Variants in TMEM232 observed in about 807,000 individuals in gnomAD.
TMEM232 encodes the protein transmembrane protein 232.
In TMEM232, 80 loss-of-function variants were observed where a neutral mutation model predicts 78.8. The ratio of observed to expected loss-of-function variants is 1.01; its 90% CI spans 0.85 to 1.22. TMEM232 has a LOEUF of 1.22. Ranked by LOEUF, TMEM232 falls within the 50% of genes most tolerant of loss-of-function variation. The probability of loss-of-function intolerance (pLI) is 0.00; values close to 1 mark genes in which losing one functional copy is unlikely to be tolerated. For synonymous variants in TMEM232, 297 were observed against 254.3 expected (o/e 1.17, Z -1.60); for missense variants, 881 against 742.2 (o/e 1.19, Z -2.17).
intron 2 of TMEM232, among the ~76,000 whole-genome samples, chr5:110,665,051 A>C (rs891759175): frequency 6.6e-6 from 1 of 152,192 alleles, no homozygotes; most frequent in South Asian, 2.1e-4. Flanking sequence ...GGACTTCAAC[A>C]TATGAATTTT....
chr5:110,506,374 T>C (rs1387139461), intron 12 of TMEM232, among the ~76,000 whole-genome samples: 1 of 152,164 alleles, frequency 6.6e-6, no homozygotes, highest in Non-Finnish European at 1.5e-5. Flanking sequence ...TAATATATTT[T>C]ATGGTTAATT....
intron 1 of TMEM232, among the ~76,000 whole-genome samples, chr5:110,669,168 CA>C (rs533367451): frequency 0.012 from 1,782 of 151,858 alleles, 46 homozygotes; most frequent in African/African-American, 0.04. Flanking sequence ...AAAAACACTT[CA>C]AAAAAATCAA....
chr5:110,512,051 A>C (rs1449189907), intron 12 of TMEM232, among the ~76,000 whole-genome samples: 3 of 152,100 alleles, frequency 2.0e-5, no homozygotes, highest in African/African-American at 7.2e-5. Flanking sequence ...CTCAGGACAC[A>C]TCACTATTCA....
rs1204255326 is a variant in TMEM232 at position 110,525,685 on chromosome 5, T to A, written c.1703+2903A>T. Among the ~76,000 whole-genome samples, 3 of 151,734 alleles carry A rather than the reference T, an allele frequency of 2.0e-5. No homozygotes were observed. In the East Asian group the frequency reaches 5.8e-4, roughly 29 times the overall value. The stretch of plus-strand genomic sequence containing the variant: ...GATTGTTAGAAGTAGACAAGCTAAT[T>A]CTAAATTTGATATAAAAATGAATAA... On this transcript the variant is annotated intron_variant, in intron 12 of 13. Transcript: ENST00000455884.
intron 11 of TMEM232, among the ~76,000 whole-genome samples, chr5:110,553,207 C>G (rs1774672394): frequency 6.6e-6 from 1 of 151,992 alleles, no homozygotes; most frequent in Non-Finnish European, 1.5e-5. Flanking sequence ...ATTGCTTTGG[C>G]TATTCTGGCT....
chr5:110,470,683 C>T (rs1000232675), intron 12 of TMEM232, among the ~76,000 whole-genome samples: 10 of 152,110 alleles, frequency 6.6e-5, no homozygotes, highest in Non-Finnish European at 1.5e-4. Context: ...AACTTAGAAC[C>T]AGAGTCAGCA....
intron 10 of TMEM232, among the ~76,000 whole-genome samples, chr5:110,584,811 G>A (rs936036319): frequency 3.9e-5 from 6 of 152,058 alleles, no homozygotes; most frequent in South Asian, 2.1e-4. Flanking sequence ...AGCACTTAGC[G>A]AGTTATTTTC....
intron 12 of TMEM232, among the ~76,000 whole-genome samples, chr5:110,485,937 G>C (rs373271763): frequency 3.3e-5 from 5 of 152,002 alleles, no homozygotes; most frequent in Admixed American, 2.6e-4. Flanking sequence ...CCACCTAGCC[G>C]TGTAGAAGTG....
At chr5:110,677,173 G>A (rs1483945337) in intron 1 of TMEM232, among the ~76,000 whole-genome samples, 1 of 151,818 alleles carries the variant, frequency 6.6e-6, no homozygotes, top group African/African-American at 2.4e-5. Flanking sequence ...TATATCTATT[G>A]GCCATTTGTG....
At chr5:110,569,204 C>T (rs962083485) in intron 10 of TMEM232, among the ~76,000 whole-genome samples, 5 of 151,826 alleles carry the variant, frequency 3.3e-5, no homozygotes, top group African/African-American at 1.2e-4. Flanking sequence ...GATTTAAAAA[C>T]TCTAAGACAC....
chr5:110,439,658 G>C (rs778466003), intron 12 of TMEM232, among the ~76,000 whole-genome samples: 2 of 152,016 alleles, frequency 1.3e-5, no homozygotes, highest in Non-Finnish European at 2.9e-5. Flanking sequence ...GAAAGTTTCA[G>C]GTGTCGCTTT....
chr5:110,568,426 T>C (rs1398457094), intron 11 of TMEM232, 21 bp downstream of exon 11: 2 of 1,509,902 alleles, frequency 1.3e-6, no homozygotes, highest in African/African-American at 1.4e-5. Flanking sequence ...TACATATTTA[T>C]TGCCCAGTGT....
chr5:110,571,013 T>C (rs879796012), intron 10 of TMEM232, among the ~76,000 whole-genome samples: 3 of 152,018 alleles, frequency 2.0e-5, no homozygotes, highest in Non-Finnish European at 4.4e-5. Context: ...AACTTTTCAC[T>C]TAACCAGAAA....
intron 10 of TMEM232, among the ~76,000 whole-genome samples, chr5:110,569,300 G>A (rs1776672526): frequency 6.6e-6 from 1 of 151,792 alleles, no homozygotes; most frequent in Non-Finnish European, 1.5e-5. Context: ...CTTAGAGAAA[G>A]GAGAAAGACA....
At chr5:110,442,748 T>C (rs1028771524) in intron 12 of TMEM232, among the ~76,000 whole-genome samples, 7 of 152,126 alleles carry the variant, frequency 4.6e-5, no homozygotes, top group Non-Finnish European at 8.8e-5. Flanking sequence ...GTCTGGGCTT[T>C]CTTGTGGTCA....
chr5:110,635,495 T>C (rs1344668480), intron 5 of TMEM232, among the ~76,000 whole-genome samples: 1 of 152,008 alleles, frequency 6.6e-6, no homozygotes, highest in African/African-American at 2.4e-5. Flanking sequence ...CACGATCAAA[T>C]TGGATTTATA....
chr5:110,655,701 A>G (rs938671156), intron 2 of TMEM232, among the ~76,000 whole-genome samples: 1 of 151,606 alleles, frequency 6.6e-6, no homozygotes, highest in Admixed American at 6.6e-5. Context: ...TGTGGCACAT[A>G]TACACCATGG....
intron 1 of TMEM232, among the ~76,000 whole-genome samples, chr5:110,712,407 C>T (rs1044518521): frequency 1.3e-5 from 2 of 151,910 alleles, no homozygotes; most frequent in African/African-American, 4.8e-5. Flanking sequence ...GAAAAAAAAT[C>T]TAATAATCTA....
intron 7 of TMEM232, among the ~76,000 whole-genome samples, chr5:110,622,504 C>T (rs1468949832): frequency 6.6e-6 from 1 of 152,084 alleles, no homozygotes; most frequent in Non-Finnish European, 1.5e-5. Context: ...ATCCATGTCC[C>T]TACAAAGGAC....
Sources: gnomAD v4.1 joint callset for allele counts (sites outside exome capture counted in the v4.1 genomes callset) on GRCh38, gnomAD v4.1.1 for gene constraint, MANE v1.5 for transcripts, NCBI Gene and HGNC (gene_info 2026-07-23, HGNC 2026-07-21) for gene names.